AXDND1: variants seen among roughly 807,000 people sequenced by gnomAD.
The protein encoded by AXDND1 is axonemal dynein light chain domain containing 1.
A neutral mutation model predicts 137.5 loss-of-function variants in AXDND1; 110 were observed. The ratio of observed to expected loss-of-function variants is 0.80; its 90% confidence interval spans 0.69 to 0.94. The LOEUF (loss-of-function observed/expected upper bound fraction) is 0.94. Ranked by LOEUF, AXDND1 falls within the 40% of genes least tolerant of loss-of-function variation. AXDND1 has a pLI of 0.00. For missense variants in AXDND1, 1,191 were observed against 1,169.8 expected (o/e 1.02, Z -0.26); for synonymous variants, 414 against 399.7 (o/e 1.04, Z -0.43).
intron 22 of AXDND1, among the ~76,000 whole-genome samples, chr1:179,526,436 T>C (rs1189887745): frequency 1.3e-5 from 2 of 152,162 alleles, no homozygotes; most frequent in African/African-American, 4.8e-5. Flanking sequence ...CAAAATCATA[T>C]AGCTGTAAGT....
chr1:179,524,505 C>T (rs1011944188), intron 21 of AXDND1, among the ~76,000 whole-genome samples: 1 of 152,112 alleles, frequency 6.6e-6, no homozygotes, highest in Admixed American at 6.5e-5. Flanking sequence ...ACTCTCACAG[C>T]CTAATCTGAA....
chr1:179,490,659 T>C (rs1272173333), intron 18 of AXDND1, among the ~76,000 whole-genome samples: 1 of 152,206 alleles, frequency 6.6e-6, no homozygotes, highest in African/African-American at 2.4e-5. Context: ...CTTACCAATG[T>C]AAGGCATGTA....
At chr1:179,549,341 G>A (rs1672971222) in intron 25 of AXDND1, among the ~76,000 whole-genome samples, 1 of 152,066 alleles carries the variant, frequency 6.6e-6, no homozygotes. Flanking sequence ...TTCTTATCAA[G>A]CCCACCAACT....
chr1:179,449,988 A>ATTCTTTTTTTTTTTTTTTTT (rs1571882821), intron 16 of AXDND1: 1 of 65,370 alleles, frequency 1.5e-5, no homozygotes. Flanking sequence ...GCCAATCTGG[A>ATTCTTTTTTTTTTTTTTTTT]TTTTTTTTTT....
At position 179,516,711 on chromosome 1, in the gene AXDND1, A is replaced by C. The variant is rs571782916; in HGVS notation, c.2496+7308A>C. ...GGCTTCCTATGAGCTGAACTGTAGT[A>C]ATTGTTATCTCTCTTCTTGGTCTAG... On this transcript the variant is annotated intron_variant, in intron 21 of 25. Coordinates refer to ENST00000367618, the MANE Select transcript of AXDND1 (RefSeq NM_144696.6). 3.9e-5 allele frequency among the ~76,000 whole-genome samples: 6 copies of C among 152,152 alleles called. No individual in the cohort carries two copies. The South Asian group carries it at 1.0e-3, about 26-fold the overall frequency.
chr1:179,489,822 T>C (rs2125573017), intron 18 of AXDND1, among the ~76,000 whole-genome samples: 1 of 144,928 alleles, frequency 6.9e-6, no homozygotes, highest in Non-Finnish European at 1.5e-5. Context: ...CTCGGCTCAC[T>C]GCAAGCTCCG....
At chr1:179,388,318 T>G (rs1167307669) in intron 9 of AXDND1, among the ~76,000 whole-genome samples, 2 of 152,246 alleles carry the variant, frequency 1.3e-5, no homozygotes, top group African/African-American at 2.4e-5. Flanking sequence ...ACTATATAGA[T>G]TAATGTCTTT....
At chr1:179,517,393 A>G (rs1669644001) in intron 21 of AXDND1, among the ~76,000 whole-genome samples, 1 of 152,226 alleles carries the variant, frequency 6.6e-6, no homozygotes, top group African/African-American at 2.4e-5. Flanking sequence ...CTGCAAAAGA[A>G]AAGAGTTTTG....
chr1:179,373,703 C>T (rs1668278146), intron 4 of AXDND1, among the ~76,000 whole-genome samples: 1 of 152,050 alleles, frequency 6.6e-6, no homozygotes, highest in Non-Finnish European at 1.5e-5. Flanking sequence ...CTTTGACAAA[C>T]CTGACAAAAA....
At chr1:179,470,904 T>A (rs1663842656) in intron 17 of AXDND1, among the ~76,000 whole-genome samples, 1 of 152,164 alleles carries the variant, frequency 6.6e-6, no homozygotes, top group Non-Finnish European at 1.5e-5. Context: ...TGCCTTTTAT[T>A]GGATTTAGGA....
chr1:179,415,803 C>T (rs1309551980), intron 12 of AXDND1, among the ~76,000 whole-genome samples: 2 of 151,968 alleles, frequency 1.3e-5, no homozygotes. Context: ...CTCCCGGGTT[C>T]GTGCCATTCT....
chr1:179,454,417 T>C (rs12404170), intron 16 of AXDND1: 30,057 of 152,552 alleles, frequency 0.2, 3,131 homozygotes, highest in Non-Finnish European at 0.23. Flanking sequence ...CTTCTGTGAA[T>C]TGCCCAGTCT....
At chr1:179,517,824 GTCC>G (rs1326098049) in intron 21 of AXDND1, among the ~76,000 whole-genome samples, 1 of 152,222 alleles carries the variant, frequency 6.6e-6, no homozygotes, top group East Asian at 1.9e-4. Flanking sequence ...TGCAGGAGCA[GTCC>G]ACTGCCTTCG....
At chr1:179,458,406 A>G (rs913112883) in intron 16 of AXDND1, among the ~76,000 whole-genome samples, 4 of 152,218 alleles carry the variant, frequency 2.6e-5, no homozygotes, top group African/African-American at 9.6e-5. Flanking sequence ...CAAATTGTTT[A>G]TGAACCCAGA....
chr1:179,461,575 C>A (rs1333584692), intron 16 of AXDND1, among the ~76,000 whole-genome samples: 1 of 152,002 alleles, frequency 6.6e-6, no homozygotes, highest in Non-Finnish European at 1.5e-5. Flanking sequence ...TAGTTTTTTC[C>A]AATTCTGTGA....
chr1:179,551,282 T>C (rs900383804), intron 25 of AXDND1: 18 of 1,614,052 alleles, frequency 1.1e-5, no homozygotes, highest in Non-Finnish European at 1.5e-5. Flanking sequence ...AGACAGGCAA[T>C]TCAGTAGGTC....
intron 17 of AXDND1, among the ~76,000 whole-genome samples, chr1:179,476,822 T>G (rs1208553958): frequency 6.6e-6 from 1 of 152,218 alleles, no homozygotes; most frequent in Non-Finnish European, 1.5e-5. Flanking sequence ...CTCTCATATA[T>G]AAGTTTGTAG....
chr1:179,485,986 G>A (rs2125552763), intron 18 of AXDND1, among the ~76,000 whole-genome samples: 1 of 152,042 alleles, frequency 6.6e-6, no homozygotes, highest in African/African-American at 2.4e-5. Flanking sequence ...AGGCATGGTG[G>A]TGGGCACCTG....
intron 18 of AXDND1, among the ~76,000 whole-genome samples, chr1:179,489,528 C>T (rs1666597221): frequency 6.6e-6 from 1 of 152,090 alleles, no homozygotes; most frequent in Admixed American, 6.6e-5. Context: ...GCAGCAGGGA[C>T]ATAACTAGTA....
Sources: allele counts gnomAD v4.1 joint callset (sites outside exome capture counted in the v4.1 genomes callset), GRCh38; gene constraint gnomAD v4.1.1; transcripts MANE v1.5; gene names NCBI Gene and HGNC (gene_info 2026-07-23, HGNC 2026-07-21).